TP53BP1: variants seen among roughly 807,000 people sequenced by gnomAD.
TP53BP1 encodes TP53-binding protein 1.
In TP53BP1, 61 loss-of-function variants were observed where a neutral mutation model predicts 200.8. That is an observed-to-expected ratio of 0.30 (90% CI 0.25 to 0.38). TP53BP1 has a LOEUF of 0.38. TP53BP1 is among the 10% of genes least tolerant of loss of function. TP53BP1 has a pLI of 1.00. For synonymous variants in TP53BP1, 822 were observed against 844.3 expected, an observed-to-expected ratio of 0.97 and a Z score of 0.46; for missense variants, 2,144 against 2,371.9, an observed-to-expected ratio of 0.90 and a Z score of 2.00.
chr15:43,448,956 G>A (rs1193263015), intron 12 of TP53BP1, among the ~76,000 whole-genome samples: 4 of 151,840 alleles, frequency 2.6e-5, no homozygotes, highest in African/African-American at 7.3e-5. Context: ...ATGAAACCCT[G>A]TCTCCACTAA....
intron 11 of TP53BP1, among the ~76,000 whole-genome samples, chr15:43,457,944 C>T (rs539133896): frequency 1.9e-4 from 29 of 151,432 alleles, no homozygotes; most frequent in African/African-American, 5.8e-4. Flanking sequence ...GCTTGAACCG[C>T]GGAGGCAGAG....
chr15:43,411,382 G>A (rs967243374), intron 24 of TP53BP1, among the ~76,000 whole-genome samples: 3 of 152,152 alleles, frequency 2.0e-5, no homozygotes, highest in Non-Finnish European at 4.4e-5. Flanking sequence ...CTGATGGTGT[G>A]CCACCCAACA....
Position 43,492,417 on chromosome 15 carries a change from T to C in TP53BP1, c.59A>G (p.Gln20Arg). 3 of 1,614,102 alleles carry C rather than the reference T, an allele frequency of 1.9e-6. No homozygotes were observed. Among genetic ancestry groups the C allele is most frequent in the Non-Finnish European group, 2.5e-6 (3 of 1,179,998 alleles). ...GSQLDSDFSQ[Q>R]DTPCLIIEDS... Reference sequence around the variant, plus strand: ...TTCAATTATCAGGCAAGGAGTATCTTGCTGAGAGAAATCTGAATCCAACTG... The same window carrying C: ...TTCAATTATCAGGCAAGGAGTATCTCGCTGAGAGAAATCTGAATCCAACTG... Residue 20 changes from glutamine to arginine, a missense_variant, in exon 2 of 28, where the codon CAA (glutamine) becomes CGA (arginine). By Grantham distance (43) the Gln-to-Arg change is conservative. This residue lies in a region of TP53BP1 where 1,700 missense variants were observed against 1,710.3 expected (regional missense o/e 0.99). Coordinates refer to ENST00000382044, the MANE Select transcript of TP53BP1 (RefSeq NM_001141980.3).
chr15:43,448,535 C>A (rs997311783), intron 12 of TP53BP1, among the ~76,000 whole-genome samples: 13 of 151,282 alleles, frequency 8.6e-5, no homozygotes, highest in Non-Finnish European at 1.6e-4. Flanking sequence ...CAAAACAAAA[C>A]AAAAAAATTT....
chr15:43,504,502 G>T (rs2079226039), intron 1 of TP53BP1, among the ~76,000 whole-genome samples: 1 of 152,206 alleles, frequency 6.6e-6, no homozygotes, highest in South Asian at 2.1e-4. Context: ...AAGTAAGAAA[G>T]TCAGTTCTGC....
rs1320745469 is a variant in TP53BP1, at chr15:43,415,706, T to C, written c.4977A>G (p.Thr1659=). The change falls in exon 23 of 28, where the codon ACA becomes ACG. Residue 1659 remains threonine (T), a synonymous_variant. Coordinates refer to ENST00000382044, the MANE Select transcript of TP53BP1 (RefSeq NM_001141980.3). ...CTCCCATGGAGGCACGAGGACTTTC[T>C]GTGATCTTTCGGGTAGGGGTTGTGC... ...SSSTTPTRKI[T]ESPRASMGVL... is the part of the protein sequence containing the mutation. 6.2e-7 allele frequency: 1 copy of C among 1,614,098 alleles called. No individual in the cohort carries two copies. Among genetic ancestry groups the C allele is most frequent in the Non-Finnish European group, 8.5e-7 (1 of 1,180,042 alleles).
In TP53BP1 at chr15:43,403,898, C is replaced by G; in HGVS notation, c.*3485G>C. On this transcript the variant is annotated 3_prime_UTR_variant, in exon 28 of 28. Coordinates refer to ENST00000382044, the MANE Select transcript of TP53BP1 (RefSeq NM_001141980.3). ...TTCCTCTGAGTCAGTAAAGCATTTC[C>G]TCAATACACACACGTACAGAGATAA... 1.2e-6 allele frequency: 1 copy of G among 821,676 alleles called. No individual in the cohort carries two copies. Among genetic ancestry groups the G allele is most frequent in the Non-Finnish European group, 2.1e-6 (1 of 477,362 alleles). The allele number at this position is 821,676 out of a possible 1,614,324, so 50.9% of individuals were successfully genotyped here. A position where few individuals can be genotyped will look rare whatever the true frequency, so the allele number is the denominator to read the frequency against.
At chr15:43,467,097 C>T (rs373049499) in intron 11 of TP53BP1, among the ~76,000 whole-genome samples, 11 of 150,992 alleles carry the variant, frequency 7.3e-5, no homozygotes, top group African/African-American at 2.7e-4. Context: ...CTCTGTTGCT[C>T]AAGCTGAGTG....
In TP53BP1 at chr15:43,403,455, CAGGGCTAAG is replaced by C. The variant is rs1248619288; in HGVS notation, c.*3919_*3927del. ...ATGTGGCTAGATTGGAGGTTTGGTG[CAGGGCTAAG>C]AGAGTAATACTCGCTTAGCCAGGAA... is the stretch of plus-strand genomic sequence containing the variant. On this transcript the variant is annotated 3_prime_UTR_variant, in exon 28 of 28. Coordinates refer to ENST00000382044, the MANE Select transcript of TP53BP1 (RefSeq NM_001141980.3). 30 of 412,744 alleles carry C rather than the reference CAGGGCTAAG, an allele frequency of 7.3e-5. No homozygotes were observed. Among genetic ancestry groups the C allele is most frequent in the Non-Finnish European group, 1.1e-4 (24 of 227,754 alleles). 25.6% of individuals were successfully genotyped at this position (412,744 alleles called of 1,614,324 possible).
At chr15:43,504,836 T>C (rs1359331582) in intron 1 of TP53BP1, among the ~76,000 whole-genome samples, 1 of 152,000 alleles carries the variant, frequency 6.6e-6, no homozygotes, top group African/African-American at 2.4e-5. Flanking sequence ...CCTGGCCAAA[T>C]GGTGAAACCC....
chr15:43,452,284 G>A (rs988564058), intron 12 of TP53BP1, among the ~76,000 whole-genome samples: 2 of 151,982 alleles, frequency 1.3e-5, no homozygotes, highest in Admixed American at 6.6e-5. Context: ...TATTGTTCTC[G>A]GCTGAGCACG....
chr15:43,498,486 C>T (rs1447343722), intron 1 of TP53BP1, among the ~76,000 whole-genome samples: 1 of 152,028 alleles, frequency 6.6e-6, no homozygotes, highest in African/African-American at 2.4e-5. Flanking sequence ...CAGATAAATC[C>T]ACATTAATGG....
chr15:43,469,931 G>A lies in TP53BP1; in HGVS notation c.1316C>T (p.Thr439Ile). ...PESTVSPQAS[T>I]PISQSTPVFP... ...GACTGGTGTGCTCTGAGATATTGGT[G>A]TTGAGGCTTGTGGTGATACAGTGGA... The change falls in exon 11 of 28, where the codon ACA (threonine) becomes ATA (isoleucine). Residue 439 changes from threonine (T) to isoleucine (I), a missense_variant. By Grantham distance (89) the Thr-to-Ile change is moderately conservative (BLOSUM62 -1). Transcript: ENST00000382044. 2.5e-6 allele frequency: 4 copies of A among 1,614,118 alleles called. No individual in the cohort carries two copies. Among genetic ancestry groups the A allele is most frequent in the South Asian group, 1.1e-5 (1 of 91,086 alleles).
intron 11 of TP53BP1, among the ~76,000 whole-genome samples, chr15:43,463,657 G>C (rs897696173): frequency 1.1e-4 from 17 of 152,170 alleles, no homozygotes; most frequent in African/African-American, 4.1e-4. Flanking sequence ...TCTGGAAAAG[G>C]TAATCTATTT....
chr15:43,490,165 C>T (rs1222546116), intron 4 of TP53BP1, among the ~76,000 whole-genome samples: 1 of 152,146 alleles, frequency 6.6e-6, no homozygotes, highest in Non-Finnish European at 1.5e-5. Context: ...TTTCGGCTCA[C>T]TGCAACCTCT....
intron 4 of TP53BP1, among the ~76,000 whole-genome samples, chr15:43,489,135 G>A (rs2079086595): frequency 1.3e-5 from 2 of 152,114 alleles, no homozygotes; most frequent in Non-Finnish European, 2.9e-5. Context: ...TTCTGATTAC[G>A]TTATATATAT....
At position 43,456,746 on chromosome 15, in the gene TP53BP1, C is replaced by A. The variant is rs914884219; in HGVS notation, c.1862G>T (p.Cys621Phe). The A allele has an allele frequency of 5.6e-6, 9 of 1,613,970 alleles. No individual in the cohort carries two copies. Among genetic ancestry groups the A allele is most frequent in the Non-Finnish European group, 7.6e-6 (9 of 1,180,044 alleles). ...GREETVAEDV[C>F]IDLTCDSGSQ... ...CCCCGAATCACAAGTGAGATCAATA[C>A]AAACATCTTCTGCTACCGTTTCTTC... The change falls in exon 12 of 28, where the codon TGT becomes TTT. Residue 621 changes from cysteine to phenylalanine, a missense_variant. This residue lies in a region of TP53BP1 where 1,700 missense variants were observed against 1,710.3 expected (regional missense o/e 0.99). Coordinates refer to ENST00000382044, the MANE Select transcript of TP53BP1 (RefSeq NM_001141980.3).
At chr15:43,427,777 G>A (rs150479267) in intron 18 of TP53BP1, among the ~76,000 whole-genome samples, 2 of 152,154 alleles carry the variant, frequency 1.3e-5, no homozygotes, top group African/African-American at 4.8e-5. Flanking sequence ...GCAACACAGT[G>A]GGACCTTGTC....
chr15:43,420,374 G>A lies in TP53BP1; in HGVS notation c.4612C>T (p.Leu1538=), dbSNP rs1566920727. 6.2e-7 allele frequency: 1 copy of A among 1,614,106 alleles called. No individual in the cohort carries two copies. Among genetic ancestry groups the A allele is most frequent in the Non-Finnish European group, 8.5e-7 (1 of 1,180,036 alleles). The change falls in exon 21 of 28, where the codon CTG becomes TTG. Residue 1538 remains leucine (L), a synonymous_variant. Transcript: ENST00000382044. ...TCCAGCGGGATGGGGTCACATAACAGAATGTCTTTGCCCAACACATCACAT... is the reference window on the plus strand; with the variant it reads ...TCCAGCGGGATGGGGTCACATAACAAAATGTCTTTGCCCAACACATCACAT... ...YECDVLGKDI[L]LCDPIPLDTE... is the part of the protein sequence containing the mutation.
Sources: allele counts gnomAD v4.1 joint callset (sites outside exome capture counted in the v4.1 genomes callset), GRCh38; gene constraint gnomAD v4.1.1; regional missense constraint gnomAD v4.1.1; transcripts MANE v1.5; gene names NCBI Gene and HGNC (gene_info 2026-07-23, HGNC 2026-07-21).